The following WWOX variants were observed in gnomAD, a reference collection of about 807,000 sequenced individuals.
WWOX encodes the protein WW domain-containing oxidoreductase.
Under a neutral mutation model 46.2 loss-of-function variants are expected in WWOX, and 69 were observed. That is an observed-to-expected ratio of 1.49 (90% confidence interval 1.23 to 1.82). WWOX has a LOEUF of 1.82. Ranked by LOEUF, WWOX falls within the 40% of genes most tolerant of loss-of-function variation. The probability of loss-of-function intolerance (pLI) is 0.00; values close to 1 mark genes in which losing one functional copy is unlikely to be tolerated. For missense variants in WWOX, 919 were observed against 542.6 expected (o/e 1.69, Z -6.89); for synonymous variants, 359 against 202.6 (o/e 1.77, Z -6.56).
chr16:78,691,397 G>A, intron 8 of WWOX: 1 of 655,384 alleles, frequency 1.5e-6, no homozygotes, highest in East Asian at 2.7e-5. Flanking sequence ...GGCCTACAGG[G>A]TGCTTTAGAA....
chr16:78,547,257 A>T (rs2044063013), intron 8 of WWOX, among the ~76,000 whole-genome samples: 1 of 152,006 alleles, frequency 6.6e-6, no homozygotes, highest in African/African-American at 2.4e-5. Flanking sequence ...CACTATAACA[A>T]ATGCTTTGCG....
intron 8 of WWOX, among the ~76,000 whole-genome samples, chr16:78,989,573 C>T (rs1442020477): frequency 6.6e-6 from 1 of 152,094 alleles, no homozygotes; most frequent in South Asian, 2.1e-4. Context: ...AACTGAAAGA[C>T]ACAGAAAAAG....
intron 8 of WWOX, among the ~76,000 whole-genome samples, chr16:78,955,099 A>G (rs1026392091): frequency 6.6e-6 from 1 of 152,246 alleles, no homozygotes; most frequent in Non-Finnish European, 1.5e-5. Context: ...CCGCAGAGAG[A>G]AAGTGACAGT....
intron 8 of WWOX, among the ~76,000 whole-genome samples, chr16:78,488,236 G>T (rs1025144623): frequency 6.6e-6 from 1 of 152,140 alleles, no homozygotes; most frequent in African/African-American, 2.4e-5. Context: ...GCTGGAAGTT[G>T]GCATAGTCTT....
At chr16:78,806,142 A>C (rs375594524) in intron 8 of WWOX, among the ~76,000 whole-genome samples, 4 of 152,168 alleles carry the variant, frequency 2.6e-5, no homozygotes, top group African/African-American at 7.2e-5. Context: ...TTTTCTTTCA[A>C]ATGTTTCACT....
chr16:78,816,684 C>G lies in WWOX; in HGVS notation c.1056+383932C>G, dbSNP rs1046913695. 4.6e-5 allele frequency among the ~76,000 whole-genome samples: 7 copies of G among 151,816 alleles called. No individual in the cohort carries two copies. In the South Asian group the frequency reaches 6.2e-4, roughly 14 times the overall value. On this transcript the variant is annotated intron_variant, in intron 8 of 8. Coordinates refer to ENST00000566780, the MANE Select transcript of WWOX (RefSeq NM_016373.4). ...AAATTGTAGTACAATGTTCAGGACA[C>G]TTTTATGTCACTTTAAAATGTAGAG...
chr16:78,686,659 T>A (rs776710537), intron 8 of WWOX, among the ~76,000 whole-genome samples: 4 of 152,166 alleles, frequency 2.6e-5, no homozygotes, highest in African/African-American at 9.7e-5. Flanking sequence ...AGTCCTCCAG[T>A]TTGAGAACCA....
intron 8 of WWOX, among the ~76,000 whole-genome samples, chr16:78,676,208 A>G (rs1016843990): frequency 7.3e-5 from 11 of 151,642 alleles, no homozygotes; most frequent in African/African-American, 2.4e-4. Flanking sequence ...TTGGATATAA[A>G]GCTACCATCA....
intron 8 of WWOX, among the ~76,000 whole-genome samples, chr16:78,769,233 C>G (rs957431057): frequency 6.6e-6 from 1 of 152,214 alleles, no homozygotes; most frequent in Non-Finnish European, 1.5e-5. Context: ...ATACCAGGCG[C>G]TGTTACAGCC....
Position 78,364,435 on chromosome 16 carries a change from G to C in WWOX, c.517-22425G>C, listed in dbSNP as rs180843686. ...CATTTTTAGTAGTACTGTTGAGCCT[G>C]CATGTAGCTTTTCCAGGAGGGCAGG... On this transcript the variant is annotated intron_variant, in intron 5 of 8. Coordinates refer to ENST00000566780, the MANE Select transcript of WWOX (RefSeq NM_016373.4). 2.1e-5 allele frequency among the ~76,000 whole-genome samples: 3 copies of C among 145,822 alleles called. No individual in the cohort carries two copies. In the East Asian group the frequency reaches 6.0e-4, roughly 29 times the overall value.
chr16:78,369,151 TAGG>T (rs755747974), intron 5 of WWOX, among the ~76,000 whole-genome samples: 3 of 152,168 alleles, frequency 2.0e-5, no homozygotes, highest in Non-Finnish European at 4.4e-5. Context: ...TGTGGAAAAT[TAGG>T]AGCATCATAG....
intron 8 of WWOX, among the ~76,000 whole-genome samples, chr16:78,812,767 A>G (rs1409255145): frequency 6.6e-6 from 1 of 152,134 alleles, no homozygotes; most frequent in Non-Finnish European, 1.5e-5. Flanking sequence ...GCCTTGACTA[A>G]TGCAGAATCA....
chr16:78,790,578 A>G (rs1691933682), intron 8 of WWOX, among the ~76,000 whole-genome samples: 1 of 152,212 alleles, frequency 6.6e-6, no homozygotes, highest in African/African-American at 2.4e-5. Flanking sequence ...GGAGGAGATA[A>G]GCAGAAACTG....
intron 8 of WWOX, among the ~76,000 whole-genome samples, chr16:78,874,779 C>T (rs780984966): frequency 7.0e-6 from 1 of 142,848 alleles, no homozygotes; most frequent in Non-Finnish European, 1.5e-5. Context: ...CAAGCATAAC[C>T]TCCTACACAG....
At chr16:79,193,906 A>C (rs994521286) in intron 8 of WWOX, among the ~76,000 whole-genome samples, 1 of 152,182 alleles carries the variant, frequency 6.6e-6, no homozygotes, top group Non-Finnish European at 1.5e-5. Flanking sequence ...CTTCTGTACA[A>C]CATGGCCTTT....
chr16:79,122,590 G>A (rs547295285), intron 8 of WWOX, among the ~76,000 whole-genome samples: 4 of 132,722 alleles, frequency 3.0e-5, no homozygotes, highest in African/African-American at 5.7e-5. Flanking sequence ...CTCTTTCTCC[G>A]TCTTTCTTTC....
At chr16:78,261,098 G>A (rs1230859965) in intron 5 of WWOX, among the ~76,000 whole-genome samples, 1 of 150,766 alleles carries the variant, frequency 6.6e-6, no homozygotes, top group Non-Finnish European at 1.5e-5. Flanking sequence ...TTTTTTGAAT[G>A]TTTAAATCAT....
At chr16:78,332,308 A>C (rs948200317) in intron 5 of WWOX, among the ~76,000 whole-genome samples, 1 of 152,182 alleles carries the variant, frequency 6.6e-6, no homozygotes, top group East Asian at 1.9e-4. Context: ...TTCCCAGAGA[A>C]TTATTTGACT....
In WWOX at chr16:78,488,042, C is replaced by T. The variant is rs1009399463; in HGVS notation, c.1056+55290C>T. ...AATAAGTGGAACTGGGACCTCTTCT[C>T]TCTCAGGCTGTTACTTGTTGTGGTT... On this transcript the variant is annotated intron_variant, in intron 8 of 8. Transcript: ENST00000566780. Among the ~76,000 whole-genome samples the T allele has an allele frequency of 2.0e-5, 3 of 152,296 alleles. No individual in the cohort carries two copies. In the South Asian group the frequency reaches 6.2e-4, roughly 32 times the overall value.
Sources: allele counts gnomAD v4.1 joint callset (sites outside exome capture counted in the v4.1 genomes callset), GRCh38; gene constraint gnomAD v4.1.1; transcripts MANE v1.5; gene names NCBI Gene and HGNC (gene_info 2026-07-23, HGNC 2026-07-21).